Variants in KCNB2 observed in about 807,000 individuals in gnomAD.
KCNB2 encodes delayed rectifier potassium channel protein.
Under a neutral mutation model 61.5 loss-of-function variants are expected in KCNB2, and 15 were observed. The observed-to-expected ratio is 0.24, with a 90% CI of 0.16 to 0.38. The LOEUF (loss-of-function observed/expected upper bound fraction) is 0.38, where lower values mean the gene tolerates loss of function less well. KCNB2 is among the 10% of genes least tolerant of loss of function. The pLI is 1.00. For synonymous variants in KCNB2, 457 were observed against 446.0 expected (o/e 1.02, Z -0.31); for missense variants, 828 against 1,125.2 (o/e 0.74, Z 3.78).
At chr8:72,605,882 T>C in intron 2 of KCNB2, among the ~76,000 whole-genome samples, 1 of 152,094 alleles carries the variant, frequency 6.6e-6, no homozygotes, top group South Asian at 2.1e-4. Context: ...AAGCTGCAAA[T>C]ATGTCACATC....
At chr8:72,679,822 T>A (rs1396144051) in intron 2 of KCNB2, among the ~76,000 whole-genome samples, 2 of 152,192 alleles carry the variant, frequency 1.3e-5, no homozygotes, top group Non-Finnish European at 2.9e-5. Context: ...CCTTGTTAGA[T>A]GTGACTCTAG....
intron 2 of KCNB2, among the ~76,000 whole-genome samples, chr8:72,600,935 C>A (rs1805340308): frequency 2.0e-5 from 3 of 151,896 alleles, no homozygotes; most frequent in African/African-American, 7.3e-5. Flanking sequence ...CAATAAACCC[C>A]CATGACACGA....
chr8:72,863,122 C>A (rs367896542), intron 2 of KCNB2, among the ~76,000 whole-genome samples: 203 of 152,282 alleles, frequency 1.3e-3, no homozygotes, highest in African/African-American at 4.5e-3. Context: ...TCAAAATAAT[C>A]CAATTCAGTT....
At chr8:72,673,082 A>T (rs1228523768) in intron 2 of KCNB2, among the ~76,000 whole-genome samples, 1 of 152,228 alleles carries the variant, frequency 6.6e-6, no homozygotes, top group Non-Finnish European at 1.5e-5. Context: ...GACTCAAACA[A>T]ATATCTGTAC....
At chr8:72,842,108 C>T (rs1205318657) in intron 2 of KCNB2, among the ~76,000 whole-genome samples, 1 of 66,318 alleles carries the variant, frequency 1.5e-5, no homozygotes, top group South Asian at 5.9e-4. Context: ...TTCACCAATA[C>T]CTAGTTTATT....
At chr8:72,853,558 C>T (rs1282365952) in intron 2 of KCNB2, among the ~76,000 whole-genome samples, 1 of 152,204 alleles carries the variant, frequency 6.6e-6, no homozygotes, top group Non-Finnish European at 1.5e-5. Context: ...AACCTAATGT[C>T]TAGGCCTCAA....
chr8:72,918,520 AAAT>A (rs1806443990), intron 2 of KCNB2, among the ~76,000 whole-genome samples: 1 of 152,348 alleles, frequency 6.6e-6, no homozygotes, highest in Admixed American at 6.5e-5. Context: ...AATTTGATGA[AAAT>A]AACACATATT....
At chr8:72,591,250 C>T (rs908785948) in intron 2 of KCNB2, among the ~76,000 whole-genome samples, 1 of 152,064 alleles carries the variant, frequency 6.6e-6, no homozygotes, top group Non-Finnish European at 1.5e-5. Context: ...TAAGGCGCTG[C>T]GTAGCTTCAA....
intron 2 of KCNB2, among the ~76,000 whole-genome samples, chr8:72,884,717 T>G (rs1048215788): frequency 1.3e-5 from 2 of 152,204 alleles, no homozygotes; most frequent in South Asian, 4.1e-4. Flanking sequence ...ATCCTATATG[T>G]ATTTTCATGT....
At chr8:72,813,254 C>A (rs1231482114) in intron 2 of KCNB2, among the ~76,000 whole-genome samples, 1 of 152,142 alleles carries the variant, frequency 6.6e-6, no homozygotes, top group African/African-American at 2.4e-5. Flanking sequence ...CAAGCAAAAG[C>A]CCAAATGAAG....
intron 2 of KCNB2, among the ~76,000 whole-genome samples, chr8:72,684,496 A>G (rs1806815119): frequency 6.6e-6 from 1 of 152,186 alleles, no homozygotes; most frequent in Admixed American, 6.5e-5. Flanking sequence ...TTTAAGACGC[A>G]GGAGCAAGAA....
At chr8:72,687,842 G>A (rs1406847693) in intron 2 of KCNB2, among the ~76,000 whole-genome samples, 3 of 152,110 alleles carry the variant, frequency 2.0e-5, no homozygotes, top group Non-Finnish European at 4.4e-5. Context: ...ATGTTTTAGA[G>A]GCCCAGAAAT....
rs1210179232 is a variant in KCNB2 at position 72,920,461 on chromosome 8, C to CTATATATATATATATA, written c.580-15471_580-15470insATATATATATATATAT. Among the ~76,000 whole-genome samples the CTATATATATATATATA allele has an allele frequency of 9.9e-4, 72 of 72,568 alleles. 1 individual carries two copies. Among genetic ancestry groups the CTATATATATATATATA allele is most frequent in the East Asian group, 2.1e-3 (8 of 3,876 alleles). 47.6% of individuals were successfully genotyped at this position (72,568 alleles called of 152,430 possible). On this transcript the variant is annotated intron_variant, in intron 2 of 2. Transcript: ENST00000523207. The stretch of plus-strand genomic sequence containing the variant: ...CCACTATATCTATCTATCTATCTAT[C>CTATATATATATATATA]TATCTATCTATCTATATATATATAT...
chr8:72,597,396 A>C (rs1316535044), intron 2 of KCNB2, among the ~76,000 whole-genome samples: 1 of 152,158 alleles, frequency 6.6e-6, no homozygotes, highest in African/African-American at 2.4e-5. Context: ...GAAAGTCTGG[A>C]GTCTACAGCT....
At chr8:72,900,770 A>G (rs544398333) in intron 2 of KCNB2, among the ~76,000 whole-genome samples, 3 of 152,312 alleles carry the variant, frequency 2.0e-5, no homozygotes, top group Non-Finnish European at 4.4e-5. Flanking sequence ...CATCTGAGAA[A>G]TTCAAATAAA....
At chr8:72,909,571 G>C (rs1050023579) in intron 2 of KCNB2, among the ~76,000 whole-genome samples, 1 of 152,082 alleles carries the variant, frequency 6.6e-6, no homozygotes, top group Non-Finnish European at 1.5e-5. Context: ...GAGTATTAAA[G>C]AGATGATGGT....
intron 2 of KCNB2, among the ~76,000 whole-genome samples, chr8:72,715,215 G>C (rs1807409582): frequency 6.6e-6 from 1 of 152,016 alleles, no homozygotes; most frequent in South Asian, 2.1e-4. Context: ...AATAATGGGA[G>C]ACTTTAATAC....
At chr8:72,826,999 C>T (rs1369991032) in intron 2 of KCNB2, among the ~76,000 whole-genome samples, 1 of 152,208 alleles carries the variant, frequency 6.6e-6, no homozygotes, top group East Asian at 1.9e-4. Flanking sequence ...CAGTGGTAAA[C>T]ATTTCTTTGC....
chr8:72,769,477 A>G lies in KCNB2; in HGVS notation c.580-166458A>G, dbSNP rs183144247. ...AGATATGCACAGACAAAACTGAAAC[A>G]TATTAGTAGTCCAGTGATTAATTCT... On this transcript the variant is annotated intron_variant, in intron 2 of 2. Coordinates refer to ENST00000523207, the MANE Select transcript of KCNB2 (RefSeq NM_004770.3). 1.3e-3 allele frequency among the ~76,000 whole-genome samples: 198 copies of G among 152,332 alleles called. 2 individuals carry two copies. Among genetic ancestry groups the G allele is most frequent in the Middle Eastern group, 6.8e-3 (2 of 294 alleles).
Sources: allele counts gnomAD v4.1 joint callset (sites outside exome capture counted in the v4.1 genomes callset), GRCh38; gene constraint gnomAD v4.1.1; transcripts MANE v1.5; gene names NCBI Gene and HGNC (gene_info 2026-07-23, HGNC 2026-07-21).